The following PABPC4L variants were observed in gnomAD, a reference collection of about 807,000 sequenced individuals.
PABPC4L encodes polyadenylate-binding protein 4-like.
For synonymous variants in PABPC4L, 169 were observed against 164.1 expected, an observed-to-expected ratio of 1.03 and a Z score of -0.23; for missense variants, 452 against 451.4, an observed-to-expected ratio of 1.00 and a Z score of -0.01.
the PABPC4L span, among the ~76,000 whole-genome samples, chr4:133,952,833 A>T: frequency 3.9e-5 from 6 of 152,134 alleles, 1 homozygote; most frequent in South Asian, 1.2e-3. Context: ...CGTCGGGGAC[A>T]TATAGGAGTG....
chr4:134,158,033 C>T, the PABPC4L span, among the ~76,000 whole-genome samples: 1 of 151,764 alleles, frequency 6.6e-6, no homozygotes. Context: ...AACATTTATA[C>T]TAATGCTTTT....
At chr4:134,110,559 TTGTGTGTGTGTGTG>T in the PABPC4L span, among the ~76,000 whole-genome samples, 6,171 of 144,530 alleles carry the variant, frequency 0.043, 266 homozygotes, top group African/African-American at 0.11. Flanking sequence ...TCTCTCTGTC[TTGTGTGTGTGTGTG>T]TGTGTGTGTG....
the PABPC4L span, among the ~76,000 whole-genome samples, chr4:134,132,958 TATAA>T: frequency 2.1e-3 from 298 of 144,376 alleles, 1 homozygote; most frequent in African/African-American, 7.0e-3. Context: ...ATGTAGAATG[TATAA>T]ATATTATATA....
chr4:134,096,693 A>T, the PABPC4L span, among the ~76,000 whole-genome samples: 1 of 152,096 alleles, frequency 6.6e-6, no homozygotes, highest in East Asian at 1.9e-4. Context: ...TAAACATTTC[A>T]AACATTCTAC....
chr4:134,147,769 G>GTTGTTT, the PABPC4L span, among the ~76,000 whole-genome samples: 9 of 149,018 alleles, frequency 6.0e-5, no homozygotes, highest in South Asian at 6.4e-4. Context: ...TGTTGTTGTT[G>GTTGTTT]TTTTTTCCTA....
At chr4:134,094,042 G>T in the PABPC4L span, among the ~76,000 whole-genome samples, 1 of 151,938 alleles carries the variant, frequency 6.6e-6, no homozygotes, top group East Asian at 1.9e-4. Flanking sequence ...TGTATGAGAA[G>T]TCCATCTCTA....
chr4:134,094,795 A>G, the PABPC4L span, among the ~76,000 whole-genome samples: 4 of 151,708 alleles, frequency 2.6e-5, no homozygotes, highest in Non-Finnish European at 5.9e-5. Flanking sequence ...CTGAAATAGT[A>G]TTCAAGAAGG....
At chr4:134,051,598 A>G in the PABPC4L span, among the ~76,000 whole-genome samples, 1 of 152,098 alleles carries the variant, frequency 6.6e-6, no homozygotes, top group African/African-American at 2.4e-5. Flanking sequence ...TTATTTGAAA[A>G]TGTTCTTTTT....
At chr4:134,000,155 C>A in the PABPC4L span, among the ~76,000 whole-genome samples, 1 of 152,062 alleles carries the variant, frequency 6.6e-6, no homozygotes, top group Non-Finnish European at 1.5e-5. Context: ...TGAATAACTT[C>A]ATTTTCTTAA....
chr4:133,951,890 A>T, the PABPC4L span, among the ~76,000 whole-genome samples: 1 of 151,952 alleles, frequency 6.6e-6, no homozygotes, highest in Non-Finnish European at 1.5e-5. Context: ...TAAACCTGAA[A>T]TTTTTTCAGA....
chr4:134,195,300 T>C (rs1479597082), downstream of PABPC4L, among the ~76,000 whole-genome samples: 3 of 151,740 alleles, frequency 2.0e-5, no homozygotes, highest in Admixed American at 2.0e-4. Context: ...CACTAGCACA[T>C]GTACAAAGTT....
chr4:134,107,971 A>C, the PABPC4L span, among the ~76,000 whole-genome samples: 1 of 151,590 alleles, frequency 6.6e-6, no homozygotes, highest in Non-Finnish European at 1.5e-5. Flanking sequence ...TGACATGGAA[A>C]TTGATTATAT....
chr4:134,170,283 A>T, the PABPC4L span, among the ~76,000 whole-genome samples: 6 of 152,076 alleles, frequency 3.9e-5, no homozygotes, highest in Non-Finnish European at 8.8e-5. Context: ...TACATACCAC[A>T]TTTCCTTTCT....
At chr4:134,185,503 C>A in the PABPC4L span, among the ~76,000 whole-genome samples, 1 of 152,114 alleles carries the variant, frequency 6.6e-6, no homozygotes. Flanking sequence ...ATGCTAAAAA[C>A]TCTCAATAAA....
chr4:134,018,674 G>A, the PABPC4L span, among the ~76,000 whole-genome samples: 2 of 152,066 alleles, frequency 1.3e-5, no homozygotes, highest in East Asian at 1.9e-4. Flanking sequence ...TTTATTCAAA[G>A]CACATTGTTT....
At chr4:133,980,523 A>G in the PABPC4L span, among the ~76,000 whole-genome samples, 1 of 152,328 alleles carries the variant, frequency 6.6e-6, no homozygotes, top group South Asian at 2.1e-4. Context: ...GAAGAGGCAT[A>G]GGCTATATAT....
chr4:134,025,155 A>T, the PABPC4L span, among the ~76,000 whole-genome samples: 9 of 150,228 alleles, frequency 6.0e-5, no homozygotes, highest in Non-Finnish European at 7.4e-5. Context: ...ACATAGGGAA[A>T]CCCCGTCTCT....
the PABPC4L span, among the ~76,000 whole-genome samples, chr4:134,111,445 C>A: frequency 1.3e-5 from 2 of 151,642 alleles, no homozygotes; most frequent in African/African-American, 4.9e-5. Flanking sequence ...GATACACACA[C>A]ACATGTGTAT....
the PABPC4L span, among the ~76,000 whole-genome samples, chr4:133,949,125 A>G: frequency 1.3e-5 from 2 of 152,084 alleles, no homozygotes; most frequent in African/African-American, 4.8e-5. Flanking sequence ...GGGGGCCCTT[A>G]TATATATGTA....
Sources: allele counts gnomAD v4.1 joint callset (sites outside exome capture counted in the v4.1 genomes callset), GRCh38; gene constraint gnomAD v4.1.1; transcripts MANE v1.5; gene names NCBI Gene and HGNC (gene_info 2026-07-23, HGNC 2026-07-21).